Variants in LONRF3 observed in about 807,000 individuals in gnomAD.
The protein encoded by LONRF3 is LON peptidase N-terminal domain and RING finger protein 3.
LONRF3 carries 19 observed loss-of-function variants against 51.7 expected under a neutral mutation model. The ratio of observed to expected loss-of-function variants is 0.37; its 90% CI spans 0.26 to 0.54. The LOEUF is 0.54. Ranked by LOEUF, LONRF3 falls within the 20% of genes least tolerant of loss-of-function variation. The probability of loss-of-function intolerance (pLI) is 0.86; values close to 1 mark genes in which losing one functional copy is unlikely to be tolerated. For missense variants in LONRF3, 521 were observed against 623.9 expected, an observed-to-expected ratio of 0.84 and a Z score of 1.76; for synonymous variants, 265 against 257.8, an observed-to-expected ratio of 1.03 and a Z score of -0.27.
At chrX:119,006,275 T>G in intron 6 of LONRF3, 40 bp downstream of exon 6, 1 of 999,502 alleles carries the variant, frequency 1.0e-6, no homozygotes, top group Non-Finnish European at 1.4e-6. Flanking sequence ...TAAATCAGTA[T>G]TTCTTTCTTG....
At chrX:118,981,887 A>G (rs1371870564) in intron 2 of LONRF3, among the ~76,000 whole-genome samples, 1 of 111,883 alleles carries the variant, frequency 8.9e-6, no homozygotes, top group Non-Finnish European at 1.9e-5. Flanking sequence ...TCACTAAGTT[A>G]GGCTTAGTAC....
chrX:119,014,218 G>C lies in LONRF3; in HGVS notation c.1986G>C (p.Glu662Asp). Residue 662 changes from glutamate to aspartate, a missense_variant, in exon 10 of 11, where the codon GAG (glutamate) becomes GAC (aspartate). Physicochemically the swap from Glu to Asp is conservative, Grantham distance 45. Around this residue, in one of 2 missense-constraint regions of LONRF3, gnomAD observed 145 missense variants for 247.2 expected, o/e 0.59. Coordinates refer to ENST00000371628, the MANE Select transcript of LONRF3 (RefSeq NM_001031855.3). ...EYIEDQKVQG[E>D]DCAELMGLHN... ...TTTGATACTTTCAGGTTCAGGGAGAGGATTGTGCTGAGCTCATGGGATTAC... is the reference window on the plus strand; with the variant it reads ...TTTGATACTTTCAGGTTCAGGGAGACGATTGTGCTGAGCTCATGGGATTAC... 1 of 1,207,131 alleles carries C rather than the reference G, an allele frequency of 8.3e-7. No homozygotes were observed.
At chrX:118,987,092 C>T (rs1449032899) in intron 3 of LONRF3, 10 of 1,142,859 alleles carry the variant, frequency 8.7e-6, no homozygotes, top group Non-Finnish European at 1.2e-5. Context: ...TAAAACTCAA[C>T]TCACCCAGCT....
intron 3 of LONRF3, among the ~76,000 whole-genome samples, chrX:118,989,008 G>A (rs1038986403): frequency 9.0e-6 from 1 of 110,531 alleles, no homozygotes; most frequent in African/African-American, 3.3e-5. Context: ...GAGGGCGAGA[G>A]GAACTATTGA....
chrX:118,988,115 T>C (rs948614311), intron 3 of LONRF3, among the ~76,000 whole-genome samples: 1 of 111,404 alleles, frequency 9.0e-6, no homozygotes, highest in Non-Finnish European at 1.9e-5. Context: ...GGTGTTCTTC[T>C]CCTGTGTGTA....
intron 3 of LONRF3, among the ~76,000 whole-genome samples, chrX:118,985,621 C>T (rs933319387): frequency 3.6e-5 from 4 of 111,881 alleles, no homozygotes; most frequent in African/African-American, 9.8e-5. Context: ...AGAAGCTGGC[C>T]GTCTGGCAGG....
At chrX:119,003,280 C>T (rs774394403) in intron 5 of LONRF3, among the ~76,000 whole-genome samples, 1 of 111,502 alleles carries the variant, frequency 9.0e-6, no homozygotes, top group East Asian at 2.8e-4. Context: ...CTCAGCACCC[C>T]CGCCTCAAGT....
At chrX:118,981,706 G>A (rs1238529110) in intron 2 of LONRF3, among the ~76,000 whole-genome samples, 1 of 111,210 alleles carries the variant, frequency 9.0e-6, no homozygotes, top group Non-Finnish European at 1.9e-5. Context: ...GGAGCTGGGG[G>A]AATGCGGAAA....
intron 2 of LONRF3, among the ~76,000 whole-genome samples, chrX:118,981,842 G>A (rs2147268959): frequency 8.9e-6 from 1 of 112,110 alleles, no homozygotes; most frequent in South Asian, 3.7e-4. Context: ...GGGGGGCAGG[G>A]GAGTATCCAG....
chrX:119,001,180 A>G (rs1343154736), intron 5 of LONRF3, among the ~76,000 whole-genome samples: 4 of 111,807 alleles, frequency 3.6e-5, no homozygotes, highest in Non-Finnish European at 7.5e-5. Context: ...AATTCTAGTC[A>G]AGTTCTCTCT....
intron 6 of LONRF3, among the ~76,000 whole-genome samples, chrX:119,007,718 C>T (rs1343679714): frequency 9.0e-6 from 1 of 111,345 alleles, no homozygotes; most frequent in Non-Finnish European, 1.9e-5. Context: ...CACTGGTAGC[C>T]CTGAGGGTAT....
At chrX:119,004,315 TCTC>T (rs1358487944) in intron 5 of LONRF3, among the ~76,000 whole-genome samples, 1 of 112,385 alleles carries the variant, frequency 8.9e-6, no homozygotes, top group East Asian at 2.8e-4. Flanking sequence ...GAAAAGTCTC[TCTC>T]CTCCTCCAGA....
chrX:118,999,922 C>T (rs944483035), intron 5 of LONRF3, among the ~76,000 whole-genome samples: 1 of 111,964 alleles, frequency 8.9e-6, no homozygotes, highest in African/African-American at 3.2e-5. Context: ...CTAGAAAGAA[C>T]TTTGGATCTT....
chrX:119,003,769 G>C (rs184467798), intron 5 of LONRF3, among the ~76,000 whole-genome samples: 1 of 112,413 alleles, frequency 8.9e-6, no homozygotes, highest in African/African-American at 3.2e-5. Flanking sequence ...ATAAACAAAT[G>C]AAATAACCCA....
At chrX:118,993,508 C>G (rs1389912752) in intron 5 of LONRF3, among the ~76,000 whole-genome samples, 1 of 111,622 alleles carries the variant, frequency 9.0e-6, no homozygotes, top group Non-Finnish European at 1.9e-5. Context: ...ATGAACAAAG[C>G]CTCCAAGAAG....
intron 8 of LONRF3, 175 bp from the exon 9 acceptor site, chrX:119,012,864 T>C: frequency 8.4e-7 from 1 of 1,184,650 alleles, no homozygotes; most frequent in Non-Finnish European, 1.1e-6. Flanking sequence ...ATTACGAATT[T>C]TTTTTCTTCA....
intron 3 of LONRF3, among the ~76,000 whole-genome samples, chrX:118,983,668 G>T (rs1048818945): frequency 8.9e-6 from 1 of 111,971 alleles, no homozygotes; most frequent in African/African-American, 3.2e-5. Context: ...CTGGGTAATC[G>T]GCCTGTAAGT....
At chrX:118,987,424 C>T (rs5957088) in intron 3 of LONRF3, among the ~76,000 whole-genome samples, 39,521 of 97,805 alleles carry the variant, frequency 0.4, 6,851 homozygotes, top group African/African-American at 0.49. Context: ...ACTATAGGCA[C>T]GTGCCACCAT....
chrX:118,978,862 G>A (rs1922293544), intron 2 of LONRF3, among the ~76,000 whole-genome samples: 1 of 111,535 alleles, frequency 9.0e-6, no homozygotes, highest in South Asian at 3.7e-4. Context: ...AAAGAGGGCT[G>A]TTGTGAGGAT....
Sources: allele counts gnomAD v4.1 joint callset (sites outside exome capture counted in the v4.1 genomes callset), GRCh38; gene constraint gnomAD v4.1.1; regional missense constraint gnomAD v4.1.1; transcripts MANE v1.5; gene names NCBI Gene and HGNC (gene_info 2026-07-23, HGNC 2026-07-21).